THSD7B: variants seen among roughly 807,000 people sequenced by gnomAD.
THSD7B encodes thrombospondin type-1 domain-containing protein 7B.
THSD7B carries 138 observed loss-of-function variants against 213.6 expected under a neutral mutation model. That is an observed-to-expected ratio of 0.65 (90% CI 0.56 to 0.74). THSD7B has a LOEUF of 0.74. Among genes scored for constraint, THSD7B ranks in the 30% least tolerant of loss-of-function variants. The pLI is 0.00. For synonymous variants in THSD7B, 742 were observed against 687.0 expected, an observed-to-expected ratio of 1.08 and a Z score of -1.25; for missense variants, 1,931 against 1,991.5, an observed-to-expected ratio of 0.97 and a Z score of 0.58.
intron 3 of THSD7B, among the ~76,000 whole-genome samples, chr2:137,066,103 A>C (rs1020107772): frequency 4.0e-5 from 6 of 151,528 alleles, no homozygotes; most frequent in African/African-American, 1.5e-4. Flanking sequence ...TCTATTCCTC[A>C]ATTTTTATAT....
chr2:137,464,027 G>A (rs1049708244), intron 15 of THSD7B, among the ~76,000 whole-genome samples: 3 of 151,988 alleles, frequency 2.0e-5, no homozygotes, highest in African/African-American at 7.3e-5. Flanking sequence ...AGGGTTGATG[G>A]CTCCTATGGT....
chr2:136,986,427 C>T (rs1283713703), intron 2 of THSD7B, among the ~76,000 whole-genome samples: 2 of 152,208 alleles, frequency 1.3e-5, no homozygotes, highest in Non-Finnish European at 2.9e-5. Context: ...ATATGACCAT[C>T]CATTCTCCCT....
intron 2 of THSD7B, among the ~76,000 whole-genome samples, chr2:136,883,064 GT>G (rs1400506298): frequency 6.6e-6 from 1 of 151,884 alleles, no homozygotes; most frequent in Non-Finnish European, 1.5e-5. Flanking sequence ...TTTTCTTTAA[GT>G]TTCACAATCA....
intron 15 of THSD7B, among the ~76,000 whole-genome samples, chr2:137,495,039 ATTAC>A (rs1262589700): frequency 4.6e-5 from 7 of 152,090 alleles, no homozygotes; most frequent in African/African-American, 1.7e-4. Context: ...TCTCTCACTC[ATTAC>A]TTACCACAGT....
intron 17 of THSD7B, among the ~76,000 whole-genome samples, chr2:137,584,019 A>G (rs945135725): frequency 2.7e-5 from 4 of 148,250 alleles, no homozygotes; most frequent in African/African-American, 9.8e-5. Context: ...TTTGTTGAGC[A>G]GTGGTTTGTA....
chr2:137,275,868 C>A (rs1383311961), intron 11 of THSD7B, 55 bp from the exon 12 acceptor site: 1 of 1,323,450 alleles, frequency 7.6e-7, no homozygotes, highest in Non-Finnish European at 1.1e-6. Flanking sequence ...GTAAGTATTT[C>A]TTCCTCGTGT....
intron 2 of THSD7B, among the ~76,000 whole-genome samples, chr2:137,041,982 T>A (rs917932988): frequency 6.6e-6 from 1 of 152,198 alleles, no homozygotes; most frequent in African/African-American, 2.4e-5. Flanking sequence ...TGTTCAGTGA[T>A]TGTTCTGAAT....
chr2:137,656,271 T>C (rs1683234870), intron 22 of THSD7B, among the ~76,000 whole-genome samples: 2 of 151,966 alleles, frequency 1.3e-5, no homozygotes, highest in South Asian at 4.2e-4. Context: ...CACACATATG[T>C]ATTACAAAAA....
intron 12 of THSD7B, among the ~76,000 whole-genome samples, chr2:137,384,628 AG>A (rs1215911478): frequency 2.0e-5 from 3 of 152,192 alleles, no homozygotes; most frequent in African/African-American, 7.2e-5. Flanking sequence ...AATCTTGAGA[AG>A]AGATGCTCTA....
intron 2 of THSD7B, among the ~76,000 whole-genome samples, chr2:136,965,191 C>T (rs551797471): frequency 6.6e-6 from 1 of 152,258 alleles, no homozygotes; most frequent in Non-Finnish European, 1.5e-5. Flanking sequence ...TCTCATGTAG[C>T]ACAGTTAACA....
intron 15 of THSD7B, among the ~76,000 whole-genome samples, chr2:137,502,360 A>G (rs1319898625): frequency 6.6e-6 from 1 of 152,148 alleles, no homozygotes; most frequent in African/African-American, 2.4e-5. Context: ...GTACACATAT[A>G]AAGAGAAAGA....
intron 5 of THSD7B, among the ~76,000 whole-genome samples, chr2:137,128,446 C>G (rs906422442): frequency 2.0e-5 from 3 of 152,164 alleles, no homozygotes; most frequent in African/African-American, 4.8e-5. Context: ...AAACATATTA[C>G]TTTCTGGGTT....
At chr2:137,575,717 A>G (rs543980846) in intron 17 of THSD7B, among the ~76,000 whole-genome samples, 3,577 of 120,134 alleles carry the variant, frequency 0.03, 60 homozygotes, top group Non-Finnish European at 0.049. Context: ...TCTTATTCCC[A>G]TAACACACAT....
At chr2:137,458,353 G>T (rs1443607253) in intron 15 of THSD7B, among the ~76,000 whole-genome samples, 1 of 152,112 alleles carries the variant, frequency 6.6e-6, no homozygotes, top group African/African-American at 2.4e-5. Flanking sequence ...TGACTGGTCT[G>T]CTTTTACTTT....
intron 15 of THSD7B, among the ~76,000 whole-genome samples, chr2:137,468,310 A>G (rs1305847160): frequency 1.3e-5 from 2 of 152,124 alleles, no homozygotes; most frequent in Non-Finnish European, 2.9e-5. Context: ...CCCCAGAGGG[A>G]TGATACATTC....
intron 12 of THSD7B, among the ~76,000 whole-genome samples, chr2:137,381,769 T>G (rs1187272426): frequency 6.6e-6 from 1 of 152,154 alleles, no homozygotes; most frequent in Non-Finnish European, 1.5e-5. Flanking sequence ...GGAACACCAA[T>G]TCCAGAAAAT....
intron 12 of THSD7B, among the ~76,000 whole-genome samples, chr2:137,288,591 C>A (rs1346968302): frequency 6.6e-6 from 1 of 151,884 alleles, no homozygotes; most frequent in Non-Finnish European, 1.5e-5. Flanking sequence ...AACAATGGGA[C>A]TTAACAGCTA....
intron 6 of THSD7B, among the ~76,000 whole-genome samples, chr2:137,167,629 C>A (rs887503128): frequency 6.6e-6 from 1 of 152,152 alleles, no homozygotes; most frequent in Non-Finnish European, 1.5e-5. Flanking sequence ...GCTCGTCTTC[C>A]CTTTTCTCTC....
chr2:137,237,544 G>A (rs1681794139), intron 9 of THSD7B, among the ~76,000 whole-genome samples: 1 of 152,154 alleles, frequency 6.6e-6, no homozygotes, highest in South Asian at 2.1e-4. Flanking sequence ...TACCATCAAG[G>A]CACTCAAAAT....
Sources: allele counts gnomAD v4.1 joint callset (sites outside exome capture counted in the v4.1 genomes callset), GRCh38; gene constraint gnomAD v4.1.1; transcripts MANE v1.5; gene names NCBI Gene and HGNC (gene_info 2026-07-23, HGNC 2026-07-21).